ZNF420: variants seen among roughly 807,000 people sequenced by gnomAD.
ZNF420 encodes ATM and p53-associated KZNF protein.
Under a neutral mutation model 44.7 loss-of-function variants are expected in ZNF420, and 31 were observed. That is an observed-to-expected ratio of 0.69 (90% CI 0.52 to 0.94). ZNF420 has a LOEUF of 0.94. Among genes scored for constraint, ZNF420 ranks in the 40% least tolerant of loss-of-function variants. The pLI is 0.00. For synonymous variants in ZNF420, 245 were observed against 267.4 expected, an observed-to-expected ratio of 0.92 and a Z score of 0.82; for missense variants, 681 against 827.9, an observed-to-expected ratio of 0.82 and a Z score of 2.18.
chr19:37,031,250 C>G (rs1165237946), intron 1 of ZNF420, among the ~76,000 whole-genome samples: 2 of 152,188 alleles, frequency 1.3e-5, no homozygotes, highest in Non-Finnish European at 2.9e-5. Flanking sequence ...ATTCACCCTC[C>G]TTTGCTCTAT....
At chr19:37,096,378 T>C (rs913796254) in intron 4 of ZNF420, among the ~76,000 whole-genome samples, 2 of 152,226 alleles carry the variant, frequency 1.3e-5, no homozygotes, top group Non-Finnish European at 2.9e-5. Context: ...TGTGTAATGA[T>C]GAATTATCCA....
At chr19:37,065,894 A>G (rs1568435389) in intron 1 of ZNF420, among the ~76,000 whole-genome samples, 2 of 152,220 alleles carry the variant, frequency 1.3e-5, no homozygotes. Context: ...ATATCCATAC[A>G]GAAAAAGAAA....
At chr19:37,126,104 A>G (rs1665039098) in intron 4 of ZNF420, among the ~76,000 whole-genome samples, 1 of 145,478 alleles carries the variant, frequency 6.9e-6, no homozygotes, top group African/African-American at 2.8e-5. Context: ...CCCACTCTTT[A>G]TTATGTAAAC....
At chr19:37,106,017 C>G (rs1004086478) in intron 4 of ZNF420, among the ~76,000 whole-genome samples, 1 of 152,128 alleles carries the variant, frequency 6.6e-6, no homozygotes, top group Non-Finnish European at 1.5e-5. Context: ...ATTGAATACC[C>G]TTTCTTTCTT....
At chr19:37,010,615 T>C (rs1178388254) in intron 1 of ZNF420, among the ~76,000 whole-genome samples, 2 of 152,044 alleles carry the variant, frequency 1.3e-5, no homozygotes, top group African/African-American at 4.8e-5. Context: ...ATGTGCCCTG[T>C]GCATCAAAAA....
chr19:37,083,720 G>T (rs1352462809), intron 2 of ZNF420, among the ~76,000 whole-genome samples: 1 of 152,064 alleles, frequency 6.6e-6, no homozygotes, highest in African/African-American at 2.4e-5. Flanking sequence ...AGTATTCCAG[G>T]CTCATTTTGT....
At chr19:37,074,310 G>T (rs1599633894), upstream of ZNF420, among the ~76,000 whole-genome samples, 1 of 152,264 alleles carries the variant, frequency 6.6e-6, no homozygotes, top group South Asian at 2.1e-4. Context: ...TTAATATGAT[G>T]CAATAGGAAG....
intron 1 of ZNF420, among the ~76,000 whole-genome samples, chr19:37,021,332 A>C (rs1449898009): frequency 2.0e-5 from 3 of 151,678 alleles, no homozygotes; most frequent in Non-Finnish European, 4.4e-5. Flanking sequence ...CAATGGTGCT[A>C]TCTCTGCTCA....
Position 37,128,545 on chromosome 19 carries a change from T to C in ZNF420, c.1554T>C (p.Leu518=), listed in dbSNP as rs1472433963. ...CRMAFTQSSH[L]SQHQRLHTGE... ...TGGCCTTTACTCAGAGTTCACATCT[T>C]TCCCAACATCAAAGACTTCACACTG... is the stretch of plus-strand genomic sequence containing the variant. Residue 518 remains leucine, a synonymous_variant, in exon 5 of 5, where the codon CTT becomes CTC. Transcript: ENST00000337995. 6.2e-7 allele frequency: 1 copy of C among 1,613,730 alleles called. No homozygotes were observed. Among genetic ancestry groups the C allele is most frequent in the Admixed American group, 1.7e-5 (1 of 59,982 alleles).
intron 1 of ZNF420, among the ~76,000 whole-genome samples, chr19:37,052,392 G>T (rs1285603064): frequency 2.6e-5 from 4 of 151,954 alleles, no homozygotes; most frequent in Admixed American, 6.6e-5. Context: ...GGGTGAATTT[G>T]ATCCTGTCAT....
chr19:37,050,852 T>C (rs1967626769), intron 1 of ZNF420, among the ~76,000 whole-genome samples: 1 of 152,154 alleles, frequency 6.6e-6, no homozygotes, highest in South Asian at 2.1e-4. Context: ...CTGTGGGTTG[T>C]GGGTTTGTCA....
intron 4 of ZNF420, among the ~76,000 whole-genome samples, chr19:37,114,042 A>G (rs1162785417): frequency 6.6e-6 from 1 of 152,150 alleles, no homozygotes; most frequent in African/African-American, 2.4e-5. Context: ...TTTTTATGGA[A>G]AAGGACTCAT....
At chr19:37,025,958 C>T (rs921241374) in intron 1 of ZNF420, among the ~76,000 whole-genome samples, 2 of 151,658 alleles carry the variant, frequency 1.3e-5, no homozygotes, top group African/African-American at 4.8e-5. Flanking sequence ...GTCTTCTTTA[C>T]TGAGTAATTC....
chr19:37,017,719 G>A (rs2074618265), intron 1 of ZNF420, among the ~76,000 whole-genome samples: 1 of 152,096 alleles, frequency 6.6e-6, no homozygotes, highest in African/African-American at 2.4e-5. Context: ...CAGCACACTC[G>A]GTGAAAGACT....
chr19:37,122,196 A>T, intron 4 of ZNF420, among the ~76,000 whole-genome samples: 1 of 152,218 alleles, frequency 6.6e-6, no homozygotes, highest in Non-Finnish European at 1.5e-5. Context: ...CACAATAGCA[A>T]AGACTTGGAA....
At chr19:37,038,842 C>G (rs759838823) in intron 1 of ZNF420, among the ~76,000 whole-genome samples, 6 of 151,986 alleles carry the variant, frequency 3.9e-5, no homozygotes, top group Non-Finnish European at 7.4e-5. Context: ...ACAACATTAG[C>G]CGGAATGGCA....
rs190940461 is a variant in ZNF420 at position 37,126,022 on chromosome 19, T to C, written c.137-1106T>C. The stretch of plus-strand genomic sequence containing the variant: ...TAGCTTTTTCTAGAATCATAAGACT[T>C]CTCTAAGTGGAAATGTGGACCCAGA... On this transcript the variant is annotated intron_variant, in intron 4 of 4. Transcript: ENST00000337995. Among the ~76,000 whole-genome samples the C allele has an allele frequency of 2.5e-3, 374 of 152,324 alleles. 2 individuals are homozygous for C. In the South Asian group the frequency reaches 0.028, roughly 11 times the overall value.
chr19:37,048,944 C>T (rs1364597612), intron 1 of ZNF420, among the ~76,000 whole-genome samples: 2 of 148,684 alleles, frequency 1.3e-5, no homozygotes, highest in South Asian at 4.4e-4. Context: ...TCAATTCCCA[C>T]CTATGAATGA....
intron 4 of ZNF420, among the ~76,000 whole-genome samples, chr19:37,122,909 C>T (rs1326657963): frequency 6.6e-6 from 1 of 152,178 alleles, no homozygotes; most frequent in Non-Finnish European, 1.5e-5. Context: ...CACATACTTA[C>T]ACATTTGTGT....
Sources: gnomAD v4.1 joint callset for allele counts (sites outside exome capture counted in the v4.1 genomes callset) on GRCh38, gnomAD v4.1.1 for gene constraint, MANE v1.5 for transcripts, NCBI Gene and HGNC (gene_info 2026-07-23, HGNC 2026-07-21) for gene names.